The following LAMA1 variants were observed in gnomAD, a reference collection of about 807,000 sequenced individuals.
LAMA1 encodes the protein laminin subunit alpha-1.
Under a neutral mutation model 348.7 loss-of-function variants are expected in LAMA1, and 219 were observed. The observed-to-expected ratio is 0.63, with a 90% confidence interval of 0.56 to 0.70. The LOEUF (loss-of-function observed/expected upper bound fraction) is 0.70, where lower values mean the gene tolerates loss of function less well. LAMA1 is among the 30% of genes least tolerant of loss of function. LAMA1 has a pLI of 0.00. For missense variants in LAMA1, 3,744 were observed against 3,888.0 expected (o/e 0.96, Z 0.99); for synonymous variants, 1,487 against 1,491.0 (o/e 1.00, Z 0.06).
chr18:6,981,970 A>G (rs1438178426), intron 41 of LAMA1, among the ~76,000 whole-genome samples: 1 of 152,246 alleles, frequency 6.6e-6, no homozygotes, highest in Non-Finnish European at 1.5e-5. Context: ...ATGCCAAGTC[A>G]TTCTTTCTTG....
Position 6,971,992 on chromosome 18 carries a change from C to A in LAMA1, c.6775-11G>T. The A allele has an allele frequency of 1.2e-6, 2 of 1,613,606 alleles. No homozygotes were observed. Among genetic ancestry groups the A allele is most frequent in the Non-Finnish European group, 1.7e-6 (2 of 1,179,958 alleles). On this transcript the variant is annotated splice_polypyrimidine_tract_variant and intron_variant, in intron 47 of 62. Transcript: ENST00000389658. ...CACAGCAGGAGATTTCTAATGCAAA[C>A]AAGCAAACAAACATAACCAATATAT...
intron 47 of LAMA1, chr18:6,972,241 G>T: frequency 2.3e-6 from 1 of 438,094 alleles, no homozygotes; most frequent in South Asian, 2.1e-5. Flanking sequence ...CGTGTTGTAC[G>T]AGTGAGAAAA....
chr18:7,089,446 A>G (rs1180617026), intron 1 of LAMA1, among the ~76,000 whole-genome samples: 2 of 152,204 alleles, frequency 1.3e-5, no homozygotes, highest in African/African-American at 4.8e-5. Context: ...TGACTCTGCT[A>G]GTGTCCTTGC....
chr18:6,986,110 GAGA>G lies in LAMA1; in HGVS notation c.5379+24_5379+26del, dbSNP rs555499666. 3,892 of 1,611,692 alleles carry G rather than the reference GAGA, an allele frequency of 2.4e-3. 8 individuals are homozygous for G. Among genetic ancestry groups the G allele is most frequent in the Non-Finnish European group, 3.1e-3 (3,604 of 1,177,922 alleles). Reference sequence around the variant, plus strand: ...GAGTATTTTGTTACCTGTTCTAATTGAGAAGGAGAGAGCAAGTGAGACTCACAC... The same window carrying G: ...GAGTATTTTGTTACCTGTTCTAATTGAGGAGAGAGCAAGTGAGACTCACAC... On this transcript the variant is annotated intron_variant, in intron 37 of 62. Transcript: ENST00000389658.
At chr18:7,018,336 C>CAA (rs764975447) in intron 19 of LAMA1, among the ~76,000 whole-genome samples, 831 of 43,964 alleles carry the variant, frequency 0.019, 82 homozygotes, top group Admixed American at 0.038. Context: ...AACTCCATCT[C>CAA]AAAAAAAAAA....
intron 3 of LAMA1, chr18:7,077,035 A>T (rs1446351595): frequency 2.0e-5 from 3 of 151,186 alleles, no homozygotes; most frequent in Admixed American, 6.6e-5. Context: ...TGCTTTGTTT[A>T]AAAAAAAACA....
In LAMA1 at chr18:6,986,345, G is replaced by T. The variant is rs746164036; in HGVS notation, c.5171C>A (p.Ala1724Asp). 2.4e-5 allele frequency: 38 copies of T among 1,613,700 alleles called. No homozygotes were observed. In the South Asian group the frequency reaches 4.1e-4, roughly 17 times the overall value. The part of the protein sequence containing the change: ...LHQNATLELK[A>D]AEDLLSQIQE... ...AATTTGTGACAATAAATCTTCAGCA[G>T]CCCTGATAAATATGAATGGTTCACA... Residue 1724 changes from alanine to aspartate, a missense_variant and splice_region_variant, in exon 37 of 63, where the codon GCT becomes GAT. By Grantham distance (126) the Ala-to-Asp change is moderately radical. Around this residue, in one of 3 missense-constraint regions of LAMA1, gnomAD observed 1,983 missense variants for 1,934.3 expected, o/e 1.03. Coordinates refer to ENST00000389658, the MANE Select transcript of LAMA1 (RefSeq NM_005559.4).
At chr18:6,973,232 AG>A in intron 46 of LAMA1, 25 bp from the exon 47 acceptor site, 1 of 1,611,302 alleles carries the variant, frequency 6.2e-7, no homozygotes, top group South Asian at 1.1e-5. Context: ...GAATTGCAAA[AG>A]AAATTTTCAG....
At chr18:6,973,015 T>C (rs757066599) in intron 47 of LAMA1, 42 bp downstream of exon 47, 1 of 1,610,858 alleles carries the variant, frequency 6.2e-7, no homozygotes, top group South Asian at 1.1e-5. Flanking sequence ...ATAGGTAAAA[T>C]CAGTCAATCA....
rs1478934198 is a variant in LAMA1, at chr18:6,956,703, G to A, written c.8027C>T (p.Ser2676Leu). ...EQVDLDTCWL[S>L]ERPKLAPDAE... ...ATCGGGAGCCAGCTTAGGCCTTTCT[G>A]ACAGCCAGCAGGTGTCCAGGTCGAC... Residue 2676 changes from serine (S) to leucine (L), a missense_variant, in exon 56 of 63, where the codon TCA (serine) becomes TTA (leucine). By Grantham distance (145) the Ser-to-Leu change is moderately radical. Around this residue, in one of 3 missense-constraint regions of LAMA1, gnomAD observed 1,983 missense variants for 1,934.3 expected, o/e 1.03. Coordinates refer to ENST00000389658, the MANE Select transcript of LAMA1 (RefSeq NM_005559.4). The A allele has an allele frequency of 5.6e-6, 9 of 1,614,202 alleles. No individual in the cohort carries two copies. The highest frequency in any genetic ancestry group is 2.2e-5 in the East Asian group (1 of 44,878).
At chr18:7,013,769 TGAG>T in intron 23 of LAMA1, 43 bp downstream of exon 23, 1 of 1,586,330 alleles carries the variant, frequency 6.3e-7, no homozygotes, top group Non-Finnish European at 8.6e-7. Flanking sequence ...GGAGTCATGA[TGAG>T]GAGCCAGAGA....
chr18:7,000,258 G>C (rs936390022), intron 30 of LAMA1, among the ~76,000 whole-genome samples: 3 of 152,232 alleles, frequency 2.0e-5, no homozygotes, highest in African/African-American at 7.2e-5. Context: ...GAAGAAGACT[G>C]ACCTTAGGGA....
intron 34 of LAMA1, among the ~76,000 whole-genome samples, chr18:6,994,975 T>C (rs1321993942): frequency 3.9e-5 from 6 of 152,152 alleles, no homozygotes; most frequent in African/African-American, 1.2e-4. Flanking sequence ...AGAGCATTAC[T>C]GATGTTCAGT....
intron 33 of LAMA1, 118 bp from the exon 34 acceptor site, chr18:6,995,564 C>A (rs2057777699): frequency 2.9e-6 from 2 of 695,340 alleles, no homozygotes; most frequent in Non-Finnish European, 5.2e-6. Flanking sequence ...TTCCTTGGAA[C>A]TGTCATTTTA....
chr18:7,037,642 G>T lies in LAMA1; in HGVS notation c.1673C>A (p.Ala558Glu). Reference sequence around the variant, plus strand: ...CTTGGGAGCCAGTCTCTGCATGACCGCGGTGTTGTTGATGCTGACCTGATG... The same window carrying T: ...CTTGGGAGCCAGTCTCTGCATGACCTCGGTGTTGTTGATGCTGACCTGATG... ...GRHQVSINNT[A>E]VMQRLAPKYY... The change falls in exon 12 of 63, where the codon GCG becomes GAG. Residue 558 changes from alanine (A) to glutamate (E), a missense_variant. Physicochemically the swap from Ala to Glu is moderately radical, Grantham distance 107. Transcript: ENST00000389658. The T allele has an allele frequency of 1.2e-6, 2 of 1,614,142 alleles. No individual in the cohort carries two copies. Among genetic ancestry groups the T allele is most frequent in the East Asian group, 2.2e-5 (1 of 44,870 alleles).
chr18:6,983,044 C>T (rs1022751641), intron 40 of LAMA1, 55 bp downstream of exon 40: 133 of 1,612,896 alleles, frequency 8.2e-5, no homozygotes, highest in South Asian at 1.4e-4. Flanking sequence ...TGCTCAAACC[C>T]GGTACAGAAA....
At chr18:7,089,079 G>A (rs1264931996) in intron 1 of LAMA1, among the ~76,000 whole-genome samples, 2 of 151,998 alleles carry the variant, frequency 1.3e-5, no homozygotes, top group African/African-American at 4.8e-5. Flanking sequence ...GGACCATAAA[G>A]GTAAAGAAAC....
chr18:6,959,214 C>T, intron 54 of LAMA1, 127 bp downstream of exon 54: 2 of 1,203,588 alleles, frequency 1.7e-6, no homozygotes, highest in Non-Finnish European at 2.5e-6. Flanking sequence ...TAGCAAGGTT[C>T]TAGAATCGTC....
At chr18:6,982,860 T>C (rs1183444973) in intron 40 of LAMA1, among the ~76,000 whole-genome samples, 1 of 152,202 alleles carries the variant, frequency 6.6e-6, no homozygotes, top group Non-Finnish European at 1.5e-5. Flanking sequence ...GCATCATCAT[T>C]TTTAGCGCAA....
Sources: gnomAD v4.1 joint callset for allele counts (sites outside exome capture counted in the v4.1 genomes callset) on GRCh38, gnomAD v4.1.1 for gene constraint, gnomAD v4.1.1 regional missense constraint, MANE v1.5 for transcripts, NCBI Gene and HGNC (gene_info 2026-07-23, HGNC 2026-07-21) for gene names.